Variants in KLHL1 observed in about 807,000 individuals in gnomAD.
The protein encoded by KLHL1 is kelch like family member 1, also known as kelch-like protein 1.
KLHL1 carries 47 observed loss-of-function variants against 77.7 expected under a neutral mutation model. That is an observed-to-expected ratio of 0.60 (90% CI 0.48 to 0.77). The LOEUF (loss-of-function observed/expected upper bound fraction) is 0.77, where lower values mean the gene tolerates loss of function less well. Among genes scored for constraint, KLHL1 ranks in the 30% least tolerant of loss-of-function variants. The pLI is 0.00. For missense variants in KLHL1, 925 were observed against 910.8 expected, an observed-to-expected ratio of 1.02 and a Z score of -0.20; for synonymous variants, 360 against 325.2, an observed-to-expected ratio of 1.11 and a Z score of -1.15.
At chr13:69,850,867 GA>G (rs775769878) in intron 5 of KLHL1, among the ~76,000 whole-genome samples, 2 of 151,518 alleles carry the variant, frequency 1.3e-5, no homozygotes, top group Non-Finnish European at 3.0e-5. Context: ...TATCCTTCAC[GA>G]GAACAATTTT....
intron 4 of KLHL1, among the ~76,000 whole-genome samples, chr13:69,899,744 TG>T (rs896401094): frequency 6.6e-6 from 1 of 152,144 alleles, no homozygotes; most frequent in African/African-American, 2.4e-5. Context: ...GAAGGAGGTC[TG>T]GGATAACCAA....
intron 1 of KLHL1, among the ~76,000 whole-genome samples, chr13:70,059,720 C>T (rs528885292): frequency 2.6e-4 from 39 of 152,318 alleles, no homozygotes; most frequent in African/African-American, 8.4e-4. Context: ...CACAGTTCCA[C>T]AGGCTATACA....
intron 7 of KLHL1, among the ~76,000 whole-genome samples, chr13:69,758,355 A>C (rs949154471): frequency 1.3e-5 from 2 of 152,104 alleles, no homozygotes; most frequent in Admixed American, 1.3e-4. Flanking sequence ...GATTTCCGTA[A>C]ACCTTTTATA....
rs181442399 is a variant in KLHL1, at chr13:69,713,688, T to C, written c.2015+5681A>G. ...ATTAAAGTTTTAGGGTAGATCCTAA[T>C]ATATTTGAAATGAGAATATTTTTTT... On this transcript the variant is annotated intron_variant, in intron 9 of 10. Transcript: ENST00000377844. 3.5e-4 allele frequency among the ~76,000 whole-genome samples: 53 copies of C among 151,894 alleles called. 1 individual carries two copies. The highest frequency in any genetic ancestry group is 1.3e-3 in the African/African-American group (53 of 41,278).
intron 6 of KLHL1, among the ~76,000 whole-genome samples, chr13:69,813,503 C>CACACACACACACACACACACATATAT (rs34163072): frequency 3.4e-4 from 50 of 148,910 alleles, no homozygotes; most frequent in African/African-American, 1.2e-3. Context: ...CACACACACA[C>CACACACACACACACACACACATATAT]ATATATATAT....
At chr13:69,958,118 CT>C (rs1266898202) in intron 3 of KLHL1, among the ~76,000 whole-genome samples, 1 of 151,622 alleles carries the variant, frequency 6.6e-6, no homozygotes, top group African/African-American at 2.4e-5. Context: ...GGTTTTTACT[CT>C]GTTGTACATA....
chr13:69,917,846 T>C (rs1330569837), intron 4 of KLHL1, among the ~76,000 whole-genome samples: 2 of 152,122 alleles, frequency 1.3e-5, no homozygotes, highest in African/African-American at 4.8e-5. Flanking sequence ...CAAAACACTG[T>C]ATTTTCATTC....
chr13:69,774,702 T>G (rs1285953362), intron 7 of KLHL1, among the ~76,000 whole-genome samples: 1 of 152,104 alleles, frequency 6.6e-6, no homozygotes, highest in Non-Finnish European at 1.5e-5. Flanking sequence ...AGAAATAGCC[T>G]ATAGTATTCT....
chr13:69,919,922 C>G (rs1882577635), intron 4 of KLHL1, among the ~76,000 whole-genome samples: 1 of 152,154 alleles, frequency 6.6e-6, no homozygotes, highest in African/African-American at 2.4e-5. Flanking sequence ...TATGGCCCAG[C>G]TGTGTCCTTT....
intron 6 of KLHL1, among the ~76,000 whole-genome samples, chr13:69,798,587 A>G (rs181017312): frequency 6.6e-6 from 1 of 152,100 alleles, no homozygotes; most frequent in East Asian, 1.9e-4. Flanking sequence ...ATTAACATGT[A>G]TAATATTTTA....
intron 7 of KLHL1, among the ~76,000 whole-genome samples, chr13:69,791,226 A>ATAAT (rs1876857524): frequency 6.6e-6 from 1 of 152,046 alleles, no homozygotes; most frequent in East Asian, 1.9e-4. Flanking sequence ...AATCACATTG[A>ATAAT]TAATAATATC....
intron 1 of KLHL1, among the ~76,000 whole-genome samples, chr13:69,976,228 T>C (rs865959679): frequency 6.6e-6 from 1 of 152,028 alleles, no homozygotes. Context: ...ATAGTAAATG[T>C]TGCCTTGCAG....
chr13:69,858,315 C>G (rs765066306), intron 5 of KLHL1, among the ~76,000 whole-genome samples: 2 of 152,064 alleles, frequency 1.3e-5, no homozygotes, highest in African/African-American at 2.4e-5. Context: ...AGAGATAGAC[C>G]TAATAAGGAC....
At chr13:69,809,647 AC>A (rs1195401772) in intron 6 of KLHL1, among the ~76,000 whole-genome samples, 1 of 152,170 alleles carries the variant, frequency 6.6e-6, no homozygotes, top group Non-Finnish European at 1.5e-5. Context: ...AACTGAGACT[AC>A]AAAGCAACTA....
At chr13:70,015,851 G>A (rs971143055) in intron 1 of KLHL1, among the ~76,000 whole-genome samples, 1 of 152,086 alleles carries the variant, frequency 6.6e-6, no homozygotes, top group Non-Finnish European at 1.5e-5. Flanking sequence ...ATGTGATAGG[G>A]TTGAAATATA....
At chr13:70,036,835 C>CTTTTTTTTTT (rs5804467) in intron 1 of KLHL1, among the ~76,000 whole-genome samples, 2 of 50,684 alleles carry the variant, frequency 3.9e-5, no homozygotes, top group African/African-American at 1.5e-4. Context: ...ATGCCATGGT[C>CTTTTTTTTTT]TTTTTTTTTT....
At chr13:69,725,743 G>A (rs528466673) in intron 8 of KLHL1, among the ~76,000 whole-genome samples, 1 of 152,130 alleles carries the variant, frequency 6.6e-6, no homozygotes, top group Non-Finnish European at 1.5e-5. Context: ...TTGTAGCTTA[G>A]TGAAATCCTG....
chr13:69,851,104 A>ATAC (rs5804452), intron 5 of KLHL1, among the ~76,000 whole-genome samples: 150,441 of 151,610 alleles, frequency 0.99, 74,647 homozygotes, highest in East Asian at 1. Flanking sequence ...ACATACATAT[A>ATAC]TACTTTTATT....
intron 8 of KLHL1, among the ~76,000 whole-genome samples, chr13:69,725,476 A>G (rs928754569): frequency 2.6e-5 from 4 of 152,150 alleles, no homozygotes; most frequent in Admixed American, 6.6e-5. Context: ...GGTTATACCT[A>G]GTTAGTAAGA....
Sources: gnomAD v4.1 joint callset for allele counts (sites outside exome capture counted in the v4.1 genomes callset) on GRCh38, gnomAD v4.1.1 for gene constraint, MANE v1.5 for transcripts, NCBI Gene and HGNC (gene_info 2026-07-23, HGNC 2026-07-21) for gene names.